CELSR1: variants seen among roughly 807,000 people sequenced by gnomAD.
CELSR1 encodes adhesion G protein-coupled receptor C1.
CELSR1 carries 110 observed loss-of-function variants against 249.1 expected under a neutral mutation model. The ratio of observed to expected loss-of-function variants is 0.44; its 90% CI spans 0.38 to 0.52. The LOEUF (loss-of-function observed/expected upper bound fraction) is 0.52, where lower values mean the gene tolerates loss of function less well. Among genes scored for constraint, CELSR1 ranks in the 20% least tolerant of loss-of-function variants. The pLI is 0.00. For synonymous variants in CELSR1, 2,113 were observed against 1,900.0 expected (o/e 1.11, Z -2.92); for missense variants, 4,109 against 4,296.4 (o/e 0.96, Z 1.22).
chr22:46,453,949 TC>T (rs1194294567), intron 2 of CELSR1, among the ~76,000 whole-genome samples: 2 of 152,110 alleles, frequency 1.3e-5, no homozygotes, highest in Non-Finnish European at 2.9e-5. Context: ...CCAAAAGGCG[TC>T]CACATCTTCA....
chr22:46,528,628 C>G (rs1427046849), intron 1 of CELSR1, among the ~76,000 whole-genome samples: 2 of 152,150 alleles, frequency 1.3e-5, no homozygotes. Context: ...GTGTACTATT[C>G]CACTATAAAA....
intron 5 of CELSR1, among the ~76,000 whole-genome samples, chr22:46,424,406 T>C (rs2079514562): frequency 6.6e-6 from 1 of 152,152 alleles, no homozygotes; most frequent in Non-Finnish European, 1.5e-5. Context: ...AAACTTTCTA[T>C]TTTGAGACAA....
rs369730475 is a variant in CELSR1 at position 46,364,554 on chromosome 22, C to T, written c.8737G>A (p.Ala2913Thr). ...GGCTGGCTGCTAGCAAGCCTGGCTG[C>T]GCCCCCGCTCTCCTGGTCCGGGGGG... The part of the protein sequence containing the change: ...EYPPDQESGG[A>T]ARLASSQPPE... The change falls in exon 33 of 35, where the codon GCA becomes ACA. Residue 2913 changes from alanine (A) to threonine (T), a missense_variant. Physicochemically the swap from Ala to Thr is moderately conservative, Grantham distance 58. This residue lies in a region of CELSR1 where 1,805 missense variants were observed against 1,831.6 expected (regional missense o/e 0.99). Transcript: ENST00000674500. 219 of 1,611,878 alleles carry T rather than the reference C, an allele frequency of 1.4e-4. No individual in the cohort carries two copies. Among genetic ancestry groups the T allele is most frequent in the Non-Finnish European group, 1.6e-4 (191 of 1,179,766 alleles).
intron 1 of CELSR1, among the ~76,000 whole-genome samples, chr22:46,520,571 C>T (rs188741970): frequency 6.6e-6 from 1 of 152,272 alleles, no homozygotes; most frequent in Admixed American, 6.5e-5. Flanking sequence ...AGCAATTCTC[C>T]TACCTCAGCC....
Position 46,509,870 on chromosome 22 carries a change from T to C in CELSR1, c.3544+23757A>G, listed in dbSNP as rs2080555356. Among the ~76,000 whole-genome samples the C allele has an allele frequency of 4.6e-5, 7 of 152,128 alleles. No homozygotes were observed. The South Asian group carries it at 1.5e-3, about 32-fold the overall frequency. On this transcript the variant is annotated intron_variant, in intron 1 of 34. Coordinates refer to ENST00000674500, the MANE Select transcript of CELSR1 (RefSeq NM_001378328.1). ...TCCAGGGACCCGGCACACAGGTGAG[T>C]CCTTCTCCAAGATGTCATGATGCGT...
intron 24 of CELSR1, among the ~76,000 whole-genome samples, chr22:46,373,688 G>A (rs1196947239): frequency 2.3e-5 from 3 of 131,838 alleles, no homozygotes; most frequent in African/African-American, 9.5e-5. Context: ...GGGGAGATGG[G>A]GGAGAAGGGG....
chr22:46,528,590 A>G (rs958145391), intron 1 of CELSR1, among the ~76,000 whole-genome samples: 1 of 152,212 alleles, frequency 6.6e-6, no homozygotes, highest in Admixed American at 6.5e-5. Context: ...ATGACTGGAG[A>G]AAAGAAATGT....
intron 1 of CELSR1, among the ~76,000 whole-genome samples, chr22:46,532,772 GTTC>G (rs2080805391): frequency 6.6e-6 from 1 of 152,130 alleles, no homozygotes; most frequent in African/African-American, 2.4e-5. Flanking sequence ...GCCCCTCGAA[GTTC>G]TTCTCTCTCT....
In CELSR1 at chr22:46,390,116, T is replaced by G. The variant is rs912682059; in HGVS notation, c.6345+276A>C. On this transcript the variant is annotated intron_variant, in intron 17 of 34. Coordinates refer to ENST00000674500, the MANE Select transcript of CELSR1 (RefSeq NM_001378328.1). The surrounding 1 kb of genome is among the most constrained non-coding windows in gnomAD (Gnocchi z 6.3). ...GGGCAGGATCAGAGGGCAAATGGAG[T>G]CAAATGCAGGGACCCCGTGTTTTCA... Among the ~76,000 whole-genome samples, 1 of 151,510 alleles carries G rather than the reference T, an allele frequency of 6.6e-6. No homozygotes were observed. Among genetic ancestry groups the G allele is most frequent in the Admixed American group, 6.6e-5 (1 of 15,210 alleles).
intron 1 of CELSR1, among the ~76,000 whole-genome samples, chr22:46,513,803 T>C (rs2147773414): frequency 6.6e-6 from 1 of 152,258 alleles, no homozygotes. Context: ...GTTGTTGTTG[T>C]TGTTTTGAGA....
At chr22:46,389,164 G>A (rs1240109789) in intron 18 of CELSR1, 126 bp downstream of exon 18, 14 of 1,051,632 alleles carry the variant, frequency 1.3e-5, no homozygotes, top group Non-Finnish European at 2.0e-5. Context: ...TGAGAAATGA[G>A]GATGGGGATC....
intron 5 of CELSR1, among the ~76,000 whole-genome samples, chr22:46,414,348 G>A (rs1359693510): frequency 6.6e-6 from 1 of 152,228 alleles, no homozygotes; most frequent in African/African-American, 2.4e-5. Context: ...AGAGCTGGAA[G>A]AACCAGCAGG....
rs780194524 is a variant in CELSR1, at chr22:46,380,814, G to C, written c.7230C>G (p.Val2410=). The change falls in exon 22 of 35, where the codon GTC becomes GTG. Residue 2410 remains valine, a synonymous_variant. Coordinates refer to ENST00000674500, the MANE Select transcript of CELSR1 (RefSeq NM_001378328.1). The surrounding 1 kb of genome is among the most constrained non-coding windows in gnomAD (Gnocchi z 5.1). ...CCAGGGAGTGGTTCCAGAACACGCA[G>C]ACAGGCTTGGTTCGCTCCTCCACCT... ...LLEVEERTKP[V]CVFWNHSLAV... is the part of the protein sequence containing the mutation. The C allele has an allele frequency of 1.2e-6, 2 of 1,612,082 alleles. No homozygotes were observed. Among genetic ancestry groups the C allele is most frequent in the Non-Finnish European group, 1.7e-6 (2 of 1,179,822 alleles).
At chr22:46,492,117 G>C (rs960231127) in intron 1 of CELSR1, among the ~76,000 whole-genome samples, 5 of 152,244 alleles carry the variant, frequency 3.3e-5, no homozygotes, top group African/African-American at 1.2e-4. Flanking sequence ...AATGGCAGAA[G>C]CAGGACGTTC....
In CELSR1 at chr22:46,464,239, C is replaced by A. The variant is rs2080071083; in HGVS notation, c.3651G>T (p.Glu1217Asp). 6.2e-7 allele frequency: 1 copy of A among 1,613,648 alleles called. No homozygotes were observed. Among genetic ancestry groups the A allele is most frequent in the Admixed American group, 1.7e-5 (1 of 60,002 alleles). Reference protein sequence around the residue: ...ITVRLENMSQEKFLSPLLALF... With the variant: ...ITVRLENMSQDKFLSPLLALF... The stretch of plus-strand genomic sequence containing the variant: ...GGGCCAGCAGCGGGGACAGGAACTT[C>A]TCCTGGGACATGTTCTCCAGGCGGA... Residue 1217 changes from glutamate to aspartate, a missense_variant, in exon 2 of 35, where the codon GAG becomes GAT. Physicochemically the swap from Glu to Asp is conservative, Grantham distance 45 (BLOSUM62 2). This residue lies in a region of CELSR1 where 886 missense variants were observed against 896.5 expected (regional missense o/e 0.99). Transcript: ENST00000674500. The surrounding 1 kb of genome is among the most constrained non-coding windows in gnomAD (Gnocchi z 8.5).
intron 1 of CELSR1, 77 bp downstream of exon 1, chr22:46,533,550 C>A: frequency 6.7e-7 from 1 of 1,494,424 alleles, no homozygotes; most frequent in African/African-American, 1.4e-5. Flanking sequence ...GCATGCCAGG[C>A]GGAGCCCTTG....
rs997612496 is a variant in CELSR1 at position 46,506,842 on chromosome 22, G to A, written c.3544+26785C>T. ...CCCGGGGGTGTCTTCTCCACGGTCT[G>A]TCACCCGCACCACCAGGACACAGCC... is the stretch of plus-strand genomic sequence containing the variant. On this transcript the variant is annotated intron_variant, in intron 1 of 34. Coordinates refer to ENST00000674500, the MANE Select transcript of CELSR1 (RefSeq NM_001378328.1). This position sits in a 1 kb window ranked among gnomAD's most constrained non-coding sequence, Gnocchi z 4.1. Among the ~76,000 whole-genome samples the A allele has an allele frequency of 2.0e-5, 3 of 152,216 alleles. No individual in the cohort carries two copies. Among genetic ancestry groups the A allele is most frequent in the African/African-American group, 7.2e-5 (3 of 41,456 alleles).
At chr22:46,528,100 CAAAA>C (rs552037712) in intron 1 of CELSR1, among the ~76,000 whole-genome samples, 1 of 81,710 alleles carries the variant, frequency 1.2e-5, no homozygotes. Context: ...AAGACTGTCT[CAAAA>C]AAAAAAAAAA....
chr22:46,385,746 C>T (rs932072531), intron 19 of CELSR1, among the ~76,000 whole-genome samples: 9 of 149,268 alleles, frequency 6.0e-5, no homozygotes, highest in Admixed American at 1.3e-4. Flanking sequence ...GGCATGATCT[C>T]GGCTCACTGC....
Sources: allele counts gnomAD v4.1 joint callset (sites outside exome capture counted in the v4.1 genomes callset), GRCh38; gene constraint gnomAD v4.1.1; regional missense constraint gnomAD v4.1.1; non-coding constraint Gnocchi (gnomAD v3.1); transcripts MANE v1.5; gene names NCBI Gene and HGNC (gene_info 2026-07-23, HGNC 2026-07-21).